The following RABGAP1L variants were observed in gnomAD, a reference collection of about 807,000 sequenced individuals.
RABGAP1L encodes rab GTPase-activating protein 1-like.
RABGAP1L carries 63 observed loss-of-function variants against 137.7 expected under a neutral mutation model. The ratio of observed to expected loss-of-function variants is 0.46; its 90% CI spans 0.37 to 0.56. The LOEUF is 0.56. Among genes scored for constraint, RABGAP1L ranks in the 20% least tolerant of loss-of-function variants. The pLI, the probability that RABGAP1L is intolerant of heterozygous loss-of-function variation, is 0.00. For missense variants in RABGAP1L, 1,095 were observed against 1,244.0 expected (o/e 0.88, Z 1.80); for synonymous variants, 431 against 433.7 (o/e 0.99, Z 0.08).
chr1:174,501,856 A>G (rs920395592), intron 13 of RABGAP1L, among the ~76,000 whole-genome samples: 1 of 151,614 alleles, frequency 6.6e-6, no homozygotes, highest in African/African-American at 2.4e-5. Context: ...TATGGCATAT[A>G]TGCTCTCTTT....
At chr1:174,921,570 T>C (rs1424074264) in intron 19 of RABGAP1L, among the ~76,000 whole-genome samples, 1 of 152,238 alleles carries the variant, frequency 6.6e-6, no homozygotes, top group Non-Finnish European at 1.5e-5. Flanking sequence ...TAATAGCCCC[T>C]AAGGAGTTTA....
intron 24 of RABGAP1L, among the ~76,000 whole-genome samples, chr1:174,986,389 C>T (rs1012949482): frequency 3.3e-5 from 5 of 152,210 alleles, no homozygotes. Flanking sequence ...AGAAGCTCCC[C>T]TCTAAACTTC....
intron 13 of RABGAP1L, among the ~76,000 whole-genome samples, chr1:174,430,356 T>G (rs1400491889): frequency 1.4e-5 from 2 of 145,670 alleles, no homozygotes; most frequent in African/African-American, 5.2e-5. Flanking sequence ...AGACTCTGTC[T>G]GAAAAAAAAA....
intron 3 of RABGAP1L, among the ~76,000 whole-genome samples, chr1:174,229,754 T>A (rs909866278): frequency 6.6e-6 from 1 of 152,194 alleles, no homozygotes; most frequent in African/African-American, 2.4e-5. Flanking sequence ...TATAGCAGCA[T>A]GATTTATAAT....
Position 174,875,580 on chromosome 1 carries a change from A to G in RABGAP1L, c.2340+63620A>G, listed in dbSNP as rs187847146. The G allele has an allele frequency of 5.9e-5, 58 of 985,444 alleles. No homozygotes were observed. In the African/African-American group the frequency reaches 8.5e-4, roughly 15 times the overall value. 61.0% of individuals were successfully genotyped at this position (985,444 alleles called of 1,614,324 possible). A position where few individuals can be genotyped will look rare whatever the true frequency, so the allele number is the denominator to read the frequency against. ...GAGTCACTGAATAGCAAAGAAAAAT[A>G]TGAAAGCAAGAGGAATTGCTTTCAC... is the stretch of plus-strand genomic sequence containing the variant. On this transcript the variant is annotated intron_variant, in intron 19 of 25. Transcript: ENST00000681986.
At chr1:174,480,613 G>T (rs1050804663) in intron 13 of RABGAP1L, among the ~76,000 whole-genome samples, 1 of 152,290 alleles carries the variant, frequency 6.6e-6, no homozygotes, top group East Asian at 1.9e-4. Context: ...ATGCTATGAG[G>T]TCTCTCTTGC....
intron 2 of RABGAP1L, 47 bp downstream of exon 2, chr1:174,219,342 A>C: frequency 7.6e-7 from 1 of 1,322,704 alleles, no homozygotes; most frequent in Non-Finnish European, 1.0e-6. Context: ...ATTAAAAACT[A>C]TTTGAAACTT....
chr1:174,831,682 A>T (rs1202671337), intron 19 of RABGAP1L, among the ~76,000 whole-genome samples: 1 of 148,290 alleles, frequency 6.7e-6, no homozygotes, highest in Non-Finnish European at 1.5e-5. Context: ...ACTCATCTTA[A>T]TGTAAATTTT....
intron 21 of RABGAP1L, among the ~76,000 whole-genome samples, chr1:174,972,829 G>A (rs1186651047): frequency 7.3e-6 from 1 of 136,940 alleles, no homozygotes; most frequent in Non-Finnish European, 1.5e-5. Flanking sequence ...ACTCCAGCCT[G>A]GGTGACAGAG....
intron 1 of RABGAP1L, among the ~76,000 whole-genome samples, chr1:174,199,452 C>T (rs1399281286): frequency 2.0e-5 from 3 of 152,080 alleles, no homozygotes; most frequent in Non-Finnish European, 1.5e-5. Flanking sequence ...CTACCACACT[C>T]AGCCAATTTC....
intron 7 of RABGAP1L, among the ~76,000 whole-genome samples, chr1:174,257,629 A>AT (rs567355541): frequency 2.7e-4 from 41 of 152,218 alleles, no homozygotes; most frequent in Middle Eastern, 3.4e-3. Context: ...ATTTTAAGGC[A>AT]TTTTTTCCAG....
intron 13 of RABGAP1L, among the ~76,000 whole-genome samples, chr1:174,453,738 G>C (rs914867469): frequency 5.3e-5 from 8 of 152,188 alleles, no homozygotes; most frequent in Non-Finnish European, 2.9e-5. Context: ...AATTGCTAGA[G>C]TAGAGAAAAC....
chr1:174,223,079 C>T (rs148703810), intron 3 of RABGAP1L, among the ~76,000 whole-genome samples: 2 of 151,556 alleles, frequency 1.3e-5, no homozygotes, highest in African/African-American at 2.4e-5. Context: ...ACCAGCCTGG[C>T]TAATATAGTG....
At chr1:174,608,236 G>A (rs1670932801) in intron 13 of RABGAP1L, among the ~76,000 whole-genome samples, 1 of 151,922 alleles carries the variant, frequency 6.6e-6, no homozygotes, top group African/African-American at 2.4e-5. Flanking sequence ...TTCTGCCTTG[G>A]TTCACCATTT....
At chr1:174,853,972 A>G (rs182072542) in intron 19 of RABGAP1L, among the ~76,000 whole-genome samples, 281 of 152,314 alleles carry the variant, frequency 1.8e-3, no homozygotes, top group African/African-American at 6.1e-3. Context: ...ATCTTACAAC[A>G]GATGTGACAG....
chr1:174,305,458 C>T (rs1479673132), intron 11 of RABGAP1L, among the ~76,000 whole-genome samples: 1 of 152,122 alleles, frequency 6.6e-6, no homozygotes, highest in East Asian at 1.9e-4. Flanking sequence ...AATCTCGGCT[C>T]CCTGCAACCT....
chr1:174,859,028 A>G (rs991454191), intron 19 of RABGAP1L, among the ~76,000 whole-genome samples: 4 of 152,352 alleles, frequency 2.6e-5, no homozygotes, highest in African/African-American at 9.6e-5. Context: ...TAATGACAGA[A>G]ATACCATTTG....
intron 12 of RABGAP1L, among the ~76,000 whole-genome samples, chr1:174,385,539 T>C (rs988768420): frequency 2.0e-5 from 3 of 152,156 alleles, no homozygotes; most frequent in African/African-American, 7.2e-5. Context: ...ATGGGCGAGA[T>C]TACTTACGGA....
At chr1:174,948,126 C>CA (rs968469512) in intron 19 of RABGAP1L, among the ~76,000 whole-genome samples, 18 of 144,684 alleles carry the variant, frequency 1.2e-4, no homozygotes, top group African/African-American at 2.0e-4. Flanking sequence ...GGTACTTGAA[C>CA]AAAAAAAAAA....
Sources: allele counts gnomAD v4.1 joint callset (sites outside exome capture counted in the v4.1 genomes callset), GRCh38; gene constraint gnomAD v4.1.1; transcripts MANE v1.5; gene names NCBI Gene and HGNC (gene_info 2026-07-23, HGNC 2026-07-21).